Variants in PDE9A observed in about 807,000 individuals in gnomAD.
PDE9A encodes phosphodiesterase 9A.
Under a neutral mutation model 87.4 loss-of-function variants are expected in PDE9A, and 60 were observed. That is an observed-to-expected ratio of 0.69 (90% confidence interval 0.56 to 0.85). The LOEUF (loss-of-function observed/expected upper bound fraction) is 0.85, where lower values mean the gene tolerates loss of function less well. Ranked by LOEUF, PDE9A falls within the 40% of genes least tolerant of loss-of-function variation. The probability of loss-of-function intolerance (pLI) is 0.00; values close to 1 mark genes in which losing one functional copy is unlikely to be tolerated. For synonymous variants in PDE9A, 272 were observed against 279.4 expected, an observed-to-expected ratio of 0.97 and a Z score of 0.27; for missense variants, 665 against 779.0, an observed-to-expected ratio of 0.85 and a Z score of 1.74.
At chr21:42,699,072 C>T in intron 4 of PDE9A, 61 bp downstream of exon 4, 1 of 1,136,978 alleles carries the variant, frequency 8.8e-7, no homozygotes, top group South Asian at 1.2e-5. Flanking sequence ...GAGCTTGCCC[C>T]TGTGATAAAA....
intron 1 of PDE9A, among the ~76,000 whole-genome samples, chr21:42,670,278 T>G (rs2058387014): frequency 7.1e-6 from 1 of 141,784 alleles, no homozygotes; most frequent in Non-Finnish European, 1.5e-5. Flanking sequence ...TATTCACACA[T>G]TCACACATAC....
chr21:42,658,707 G>A (rs2057275922), intron 1 of PDE9A, among the ~76,000 whole-genome samples: 1 of 152,178 alleles, frequency 6.6e-6, no homozygotes, highest in African/African-American at 2.4e-5. Flanking sequence ...CTTCCCAGGT[G>A]GACGGCGGCT....
At chr21:42,738,788 T>G (rs1046810953) in intron 7 of PDE9A, among the ~76,000 whole-genome samples, 5 of 152,166 alleles carry the variant, frequency 3.3e-5, no homozygotes, top group Non-Finnish European at 7.4e-5. Context: ...CGGGTTCAAG[T>G]GATTCTCCCG....
At chr21:42,770,176 C>G (rs532310790) in intron 17 of PDE9A, among the ~76,000 whole-genome samples, 127 of 152,252 alleles carry the variant, frequency 8.3e-4, no homozygotes, top group African/African-American at 2.9e-3. Flanking sequence ...CAGCTCCCCC[C>G]AGGGCCTCTG....
rs999404830 is a variant in PDE9A at position 42,696,820 on chromosome 21, C to T, written c.219-2148C>T. 5.9e-5 allele frequency among the ~76,000 whole-genome samples: 9 copies of T among 152,168 alleles called. No individual in the cohort carries two copies. Among genetic ancestry groups the T allele is most frequent in the Admixed American group, 5.2e-4 (8 of 15,284 alleles). ...GGGACAGCTGGGCACTGTGGACTTGCCCAGCTGAGCACAGGCATCAGGGGC... is the reference window on the plus strand; with the variant it reads ...GGGACAGCTGGGCACTGTGGACTTGTCCAGCTGAGCACAGGCATCAGGGGC... On this transcript the variant is annotated intron_variant, in intron 3 of 19. Coordinates refer to ENST00000291539, the MANE Select transcript of PDE9A (RefSeq NM_002606.3). The surrounding 1 kb of genome is among the most constrained non-coding windows in gnomAD (Gnocchi z 5.1).
At position 42,760,251 on chromosome 21, in the gene PDE9A, C is replaced by T; in HGVS notation, c.898-77C>T. 1.2e-6 allele frequency: 1 copy of T among 823,020 alleles called. No homozygotes were observed. Among genetic ancestry groups the T allele is most frequent in the Non-Finnish European group, 2.1e-6 (1 of 480,066 alleles). The allele number at this position is 823,020 out of a possible 1,614,324, so 51.0% of individuals were successfully genotyped here. On this transcript the variant is annotated intron_variant, in intron 11 of 19. Transcript: ENST00000291539. This position sits in a 1 kb window ranked among gnomAD's most constrained non-coding sequence, Gnocchi z 5.2. ...GGCAGAGAATGTTCAAACCAGCGCACAGCCTTCTGGGTGGCTTTGGGAGGA... is the reference window on the plus strand; with the variant it reads ...GGCAGAGAATGTTCAAACCAGCGCATAGCCTTCTGGGTGGCTTTGGGAGGA...
intron 17 of PDE9A, among the ~76,000 whole-genome samples, chr21:42,770,467 C>T (rs575012220): frequency 2.0e-5 from 3 of 152,146 alleles, no homozygotes; most frequent in Non-Finnish European, 2.9e-5. Context: ...CCTCATCTCA[C>T]GGGCACGGGG....
rs1204279411 is a variant in PDE9A at position 42,726,612 on chromosome 21, A to T, written c.263-5158A>T. Among the ~76,000 whole-genome samples the T allele has an allele frequency of 6.8e-3, 170 of 24,858 alleles. 8 individuals are homozygous for T. The highest frequency in any genetic ancestry group is 0.056 in the African/African-American group (150 of 2,692). The allele number at this position is 24,858 out of a possible 152,430, so 16.3% of individuals were successfully genotyped here. ...CCTGGCCATATATATATATATATAT[A>T]TATATATATATATTTTTTTTTTTTT... is the stretch of plus-strand genomic sequence containing the variant. On this transcript the variant is annotated intron_variant, in intron 4 of 19. Coordinates refer to ENST00000291539, the MANE Select transcript of PDE9A (RefSeq NM_002606.3).
At chr21:42,668,898 A>ACCCCCCCCCCCCCCCCCCCCCCC (rs375148519) in intron 1 of PDE9A, among the ~76,000 whole-genome samples, 1 of 104,786 alleles carries the variant, frequency 9.5e-6, no homozygotes, top group Admixed American at 8.7e-5. Context: ...TGCTCCCTCC[A>ACCCCCCCCCCCCCCCCCCCCCCC]CCCCCCGCCA....
chr21:42,755,897 C>A (rs968854826), intron 10 of PDE9A, among the ~76,000 whole-genome samples: 1 of 152,250 alleles, frequency 6.6e-6, no homozygotes, highest in South Asian at 2.1e-4. Context: ...TGGAAACTGG[C>A]ACTCGCTGTC....
rs567120063 is a variant in PDE9A, at chr21:42,759,724, G to T, written c.898-604G>T. Among the ~76,000 whole-genome samples, 26 of 150,860 alleles carry T rather than the reference G, an allele frequency of 1.7e-4. No individual in the cohort carries two copies. Among genetic ancestry groups the T allele is most frequent in the Admixed American group, 1.6e-3 (24 of 15,132 alleles). ...TGTCTGTGTGTGGGTGTGTGTGAGG[G>T]TGTGTGTGCATGTGTGTATCTGTGG... is the stretch of plus-strand genomic sequence containing the variant. On this transcript the variant is annotated intron_variant, in intron 11 of 19. Transcript: ENST00000291539. The surrounding 1 kb of genome is among the most constrained non-coding windows in gnomAD (Gnocchi z 7.2).
intron 4 of PDE9A, among the ~76,000 whole-genome samples, chr21:42,728,289 C>T (rs1451472062): frequency 6.6e-6 from 1 of 152,088 alleles, no homozygotes; most frequent in East Asian, 1.9e-4. Context: ...GGAACCAATC[C>T]CTCAGAGACA....
rs747844902 is a variant in PDE9A, at chr21:42,753,971, G to A, written c.736-19G>A. 1 of 1,560,398 alleles carries A rather than the reference G, an allele frequency of 6.4e-7. No homozygotes were observed. The highest frequency in any genetic ancestry group is 8.8e-7 in the Non-Finnish European group (1 of 1,132,966). ...AGGCCCACGGCGCCTGGTTAACACG[G>A]AACTCCTGTCCTTTCTAGTACCTGC... is the stretch of plus-strand genomic sequence containing the variant. On this transcript the variant is annotated intron_variant, in intron 9 of 19. Transcript: ENST00000291539.
chr21:42,770,299 C>T (rs1020724167), intron 17 of PDE9A, among the ~76,000 whole-genome samples: 2 of 152,182 alleles, frequency 1.3e-5, no homozygotes, highest in East Asian at 1.9e-4. Context: ...TCACACCCTC[C>T]GACCTTCCTG....
rs2057396073 is a variant in PDE9A at position 42,660,449 on chromosome 21, C to T, written c.69+6566C>T. On this transcript the variant is annotated intron_variant, in intron 1 of 19. Coordinates refer to ENST00000291539, the MANE Select transcript of PDE9A (RefSeq NM_002606.3). This position sits in a 1 kb window ranked among gnomAD's most constrained non-coding sequence, Gnocchi z 4.7. Reference sequence around the variant, plus strand: ...TTGGGTGCTTGCATTTCCAGGGGTCCAAATATTTTTGAGAAGAAAATGTTC... The same window carrying T: ...TTGGGTGCTTGCATTTCCAGGGGTCTAAATATTTTTGAGAAGAAAATGTTC... Among the ~76,000 whole-genome samples the T allele has an allele frequency of 2.0e-5, 3 of 151,912 alleles. No homozygotes were observed. The highest frequency in any genetic ancestry group is 2.0e-4 in the Admixed American group (3 of 15,258).
chr21:42,708,474 T>TA (rs897194141), intron 4 of PDE9A, among the ~76,000 whole-genome samples: 38 of 152,260 alleles, frequency 2.5e-4, no homozygotes, highest in African/African-American at 8.9e-4. Context: ...GGCCAACCCA[T>TA]ACCCACCCAC....
chr21:42,738,844 G>A (rs2146819290), intron 7 of PDE9A, among the ~76,000 whole-genome samples: 1 of 152,196 alleles, frequency 6.6e-6, no homozygotes, highest in South Asian at 2.1e-4. Flanking sequence ...CTGTGACCAC[G>A]CCTGGCTAAT....
At chr21:42,770,923 A>G (rs1480138164) in intron 18 of PDE9A, 125 bp downstream of exon 18, 2 of 661,788 alleles carry the variant, frequency 3.0e-6, no homozygotes, top group East Asian at 2.7e-5. Context: ...GGACAGGCAC[A>G]CGTGTACCTT....
chr21:42,737,754 G>C (rs900329516), intron 7 of PDE9A, among the ~76,000 whole-genome samples: 1 of 152,198 alleles, frequency 6.6e-6, no homozygotes, highest in Non-Finnish European at 1.5e-5. Context: ...CATTGTGCCC[G>C]GCCAAGCTGT....
Sources: gnomAD v4.1 joint callset for allele counts (sites outside exome capture counted in the v4.1 genomes callset) on GRCh38, gnomAD v4.1.1 for gene constraint, Gnocchi (gnomAD v3.1) non-coding constraint, MANE v1.5 for transcripts, NCBI Gene and HGNC (gene_info 2026-07-23, HGNC 2026-07-21) for gene names.